TBX22: variants seen among roughly 807,000 people sequenced by gnomAD.
TBX22 encodes T-box transcription factor TBX22.
In TBX22, 8 loss-of-function variants were observed where a neutral mutation model predicts 30.1. The observed-to-expected ratio is 0.27, with a 90% CI of 0.16 to 0.48. The LOEUF is 0.48. Among genes scored for constraint, TBX22 ranks in the 20% least tolerant of loss-of-function variants. The pLI, the probability that TBX22 is intolerant of heterozygous loss-of-function variation, is 0.99. For missense variants in TBX22, 463 were observed against 400.5 expected (o/e 1.16, Z -1.33); for synonymous variants, 173 against 149.1 (o/e 1.16, Z -1.17).
intron 1 of TBX22, among the ~76,000 whole-genome samples, chrX:80,022,037 C>T (rs1923725606): frequency 9.3e-6 from 1 of 107,631 alleles, no homozygotes; most frequent in Non-Finnish European, 1.9e-5. Context: ...TACACACACA[C>T]ACACACACAC....
At chrX:80,021,952 A>G (rs370665020) in intron 1 of TBX22, among the ~76,000 whole-genome samples, 1 of 111,039 alleles carries the variant, frequency 9.0e-6, no homozygotes, top group Non-Finnish European at 1.9e-5. Context: ...TTTGAAGGAC[A>G]TATACACTAG....
intron 1 of TBX22, among the ~76,000 whole-genome samples, chrX:80,016,910 G>T (rs1923463612): frequency 9.3e-6 from 1 of 107,154 alleles, no homozygotes; most frequent in African/African-American, 3.4e-5. Flanking sequence ...GGAGGCTGAG[G>T]CAGGAGAATC....
chrX:80,025,909 A>G, intron 5 of TBX22, 132 bp downstream of exon 5: 1 of 542,116 alleles, frequency 1.8e-6, no homozygotes, highest in Non-Finnish European at 3.0e-6. Context: ...CAAGCCCTGC[A>G]CCTGTAAGTA....
chrX:80,022,210 C>T, intron 1 of TBX22, 58 bp from the exon 2 acceptor site: 3 of 1,147,186 alleles, frequency 2.6e-6, no homozygotes, highest in Non-Finnish European at 2.4e-6. Context: ...CTCCCCCTCC[C>T]TCCCTAACCC....
Position 80,031,099 on chromosome X carries a change from C to A in TBX22, c.1551C>A (p.Asn517Lys). 1 of 1,208,384 alleles carries A rather than the reference C, an allele frequency of 8.3e-7. No homozygotes were observed. The highest frequency in any genetic ancestry group is 1.1e-6 in the Non-Finnish European group (1 of 893,280). The change falls in exon 9 of 9, where the codon AAC (asparagine) becomes AAA (lysine). Residue 517 changes from asparagine to lysine, a missense_variant. Transcript: ENST00000373296. Reference protein sequence around the residue: ...CNHVHWYPAINHYL With the variant: ...CNHVHWYPAIKHYL ...ATGTTCATTGGTATCCAGCAATTAA[C>A]CATTACCTTTAGTAAGACAATAGCA... is the stretch of plus-strand genomic sequence containing the variant.
chrX:80,021,464 A>G (rs1294127795), intron 1 of TBX22, among the ~76,000 whole-genome samples: 1 of 111,513 alleles, frequency 9.0e-6, no homozygotes, highest in Non-Finnish European at 1.9e-5. Flanking sequence ...CTGGCCCCAA[A>G]AGCTTGTACT....
At chrX:80,016,637 C>G (rs1259186657) in intron 1 of TBX22, among the ~76,000 whole-genome samples, 1 of 111,316 alleles carries the variant, frequency 9.0e-6, no homozygotes, top group Non-Finnish European at 1.9e-5. Flanking sequence ...TTTTTCAAAT[C>G]CTAGCCCACT....
chrX:80,015,294 G>A (rs779905384), intron 1 of TBX22, among the ~76,000 whole-genome samples: 23 of 112,010 alleles, frequency 2.1e-4, no homozygotes, highest in South Asian at 1.5e-3. Flanking sequence ...GGGAAGGGAC[G>A]GGAGTGCCTC....
intron 1 of TBX22, among the ~76,000 whole-genome samples, chrX:80,020,370 G>T (rs1923635760): frequency 9.0e-6 from 1 of 111,256 alleles, no homozygotes; most frequent in African/African-American, 3.3e-5. Flanking sequence ...TGAGTAAGAG[G>T]AAATGAACAA....
intron 2 of TBX22, 160 bp downstream of exon 2, chrX:80,022,604 C>T (rs370933828): frequency 1.9e-6 from 1 of 525,082 alleles, no homozygotes; most frequent in Non-Finnish European, 3.3e-6. Context: ...GAATCCATCC[C>T]GGAGTACAGC....
intron 1 of TBX22, 96 bp from the exon 2 acceptor site, chrX:80,022,172 C>G (rs756136529): frequency 2.3e-6 from 2 of 871,930 alleles, no homozygotes; most frequent in South Asian, 2.2e-5. Flanking sequence ...TCCCTCCTTC[C>G]TTCACCCTCT....
At chrX:80,017,280 TTG>T (rs3048747) in intron 1 of TBX22, among the ~76,000 whole-genome samples, 10,723 of 93,777 alleles carry the variant, frequency 0.11, 563 homozygotes, top group Non-Finnish European at 0.15. Flanking sequence ...GGTGTTGTTT[TTG>T]TGTGTGTGTG....
chrX:80,026,920 G>C lies in TBX22; in HGVS notation c.798+52G>C, dbSNP rs950969824. On this transcript the variant is annotated intron_variant, in intron 6 of 8. Transcript: ENST00000373296. ...TGGAAATGGCTCCAGAGGGACCTTG[G>C]ATTAGAGGCATAGAGGCTAACTGCC... 7.1e-6 allele frequency: 8 copies of C among 1,129,134 alleles called. 1 individual carries two copies. In the African/African-American group the frequency reaches 1.4e-4, roughly 20 times the overall value. 93.1% of individuals were successfully genotyped at this position (1,129,134 alleles called of 1,213,427 possible). A position where few individuals can be genotyped will look rare whatever the true frequency, so the allele number is the denominator to read the frequency against.
chrX:80,016,010 C>G (rs1037416600), intron 1 of TBX22, among the ~76,000 whole-genome samples: 4 of 111,270 alleles, frequency 3.6e-5, no homozygotes, highest in Non-Finnish European at 5.7e-5. Context: ...CAAGCACAGG[C>G]AGTATAGGTG....
intron 1 of TBX22, among the ~76,000 whole-genome samples, chrX:80,020,289 T>TTAGATAGATAGATAGATAGA (rs3048745): frequency 0.04 from 4,196 of 104,584 alleles, 150 homozygotes; most frequent in East Asian, 0.11. Flanking sequence ...TAGAGATAGA[T>TTAGATAGATAGATAGATAGA]TAGATAGATA....
Position 80,024,145 on chromosome X carries a change from G to A in TBX22, c.439G>A (p.Val147Met), listed in dbSNP as rs1182860071. ...QYHVAIDVVP[V>M]DSKRYRYVYH... ...CCATGTGGCCATCGATGTGGTGCCG[G>A]TGGATTCCAAACGCTATAGGTAATG... Residue 147 changes from valine to methionine, a missense_variant, in exon 4 of 9, where the codon GTG becomes ATG. Transcript: ENST00000373296. The A allele has an allele frequency of 3.3e-6, 4 of 1,210,533 alleles. No homozygotes were observed. Among genetic ancestry groups the A allele is most frequent in the Admixed American group, 4.3e-5 (2 of 46,022 alleles).
chrX:80,023,315 A>G, intron 3 of TBX22, 75 bp downstream of exon 3: 1 of 1,014,296 alleles, frequency 9.9e-7, no homozygotes, highest in Non-Finnish European at 1.4e-6. Flanking sequence ...TAAGATGAGG[A>G]CTCTCCAGTT....
At chrX:80,027,531 A>G (rs1394270173) in intron 7 of TBX22, among the ~76,000 whole-genome samples, 1 of 111,197 alleles carries the variant, frequency 9.0e-6, no homozygotes, top group Non-Finnish European at 1.9e-5. Flanking sequence ...GGCATGTGCC[A>G]ACAGGCCTGG....
At chrX:80,029,027 C>T (rs974680881) in intron 8 of TBX22, among the ~76,000 whole-genome samples, 3 of 109,863 alleles carry the variant, frequency 2.7e-5, no homozygotes, top group Non-Finnish European at 5.7e-5. Flanking sequence ...TTTTAAATAT[C>T]CAAGTCAAAA....
Sources: allele counts gnomAD v4.1 joint callset (sites outside exome capture counted in the v4.1 genomes callset), GRCh38; gene constraint gnomAD v4.1.1; transcripts MANE v1.5; gene names NCBI Gene and HGNC (gene_info 2026-07-23, HGNC 2026-07-21).